The following RPS6KC1 variants were observed in gnomAD, a reference collection of about 807,000 sequenced individuals.
The protein encoded by RPS6KC1 is ribosomal protein S6 kinase C1, also known as inactive ribosomal protein S6 kinase delta-1.
Under a neutral mutation model 103.8 loss-of-function variants are expected in RPS6KC1, and 54 were observed. The ratio of observed to expected loss-of-function variants is 0.52; its 90% confidence interval spans 0.42 to 0.65. The LOEUF (loss-of-function observed/expected upper bound fraction) is 0.65, where lower values mean the gene tolerates loss of function less well. RPS6KC1 is among the 30% of genes least tolerant of loss of function. The probability of loss-of-function intolerance (pLI) is 0.00; values close to 1 mark genes in which losing one functional copy is unlikely to be tolerated. For synonymous variants in RPS6KC1, 439 were observed against 438.7 expected, an observed-to-expected ratio of 1.00 and a Z score of -0.01; for missense variants, 1,151 against 1,253.8, an observed-to-expected ratio of 0.92 and a Z score of 1.24.
Position 213,241,866 on chromosome 1 carries a change from C to G in RPS6KC1, c.2390C>G (p.Pro797Arg). The G allele has an allele frequency of 6.2e-7, 1 of 1,613,984 alleles. No individual in the cohort carries two copies. The highest frequency in any genetic ancestry group is 8.5e-7 in the Non-Finnish European group (1 of 1,179,952). The change falls in exon 11 of 15, where the codon CCT (proline) becomes CGT (arginine). Residue 797 changes from proline to arginine, a missense_variant. Pro to Arg is a moderately radical substitution (Grantham distance 103). Around this residue, in one of 3 missense-constraint regions of RPS6KC1, gnomAD observed 959 missense variants for 1,006.3 expected, o/e 0.95. Transcript: ENST00000366960. ...ATGTCTTTGTTACCCAGCTCAGATC[C>G]TAAGTTTCAAGGACTTGGAGTGGTT... ...GDMSLLPSSD[P>R]KFQGLGVVES...
At chr1:213,131,931 T>C (rs2085683137) in intron 6 of RPS6KC1, among the ~76,000 whole-genome samples, 1 of 152,254 alleles carries the variant, frequency 6.6e-6, no homozygotes, top group Non-Finnish European at 1.5e-5. Context: ...TGGTGTTTAA[T>C]TGACACAAAT....
the RPS6KC1 span, among the ~76,000 whole-genome samples, chr1:213,456,875 G>A: frequency 3.9e-5 from 6 of 152,276 alleles, 1 homozygote; most frequent in Middle Eastern, 0.014. Flanking sequence ...AATTTTGTAT[G>A]TAGTTTCTTA....
chr1:213,084,354 C>T (rs1238122238), intron 3 of RPS6KC1, among the ~76,000 whole-genome samples: 1 of 152,140 alleles, frequency 6.6e-6, no homozygotes, highest in African/African-American at 2.4e-5. Flanking sequence ...ACTGAAGCCT[C>T]GACTTCCCAG....
the RPS6KC1 span, among the ~76,000 whole-genome samples, chr1:213,398,701 AC>A: frequency 1.3e-5 from 2 of 152,252 alleles, no homozygotes; most frequent in African/African-American, 4.8e-5. Flanking sequence ...CTTAAAATGC[AC>A]CTATTAGGCA....
At chr1:213,246,632 G>A (rs953568723) in intron 12 of RPS6KC1, among the ~76,000 whole-genome samples, 2 of 151,874 alleles carry the variant, frequency 1.3e-5, no homozygotes, top group African/African-American at 4.8e-5. Flanking sequence ...ATAAACCTTT[G>A]TTTATAGTGT....
the RPS6KC1 span, chr1:213,822,426 T>G: frequency 7.4e-6 from 1 of 134,312 alleles, no homozygotes; most frequent in Admixed American, 7.1e-5. Flanking sequence ...ATGATCAATC[T>G]TTTTCACCTG....
chr1:213,428,464 TCCTC>T, the RPS6KC1 span, among the ~76,000 whole-genome samples: 151 of 48,554 alleles, frequency 3.1e-3, 1 homozygote, highest in Middle Eastern at 0.012. Context: ...CTTCCTTCTT[TCCTC>T]CCTCCCTCCC....
At chr1:213,614,962 G>A in the RPS6KC1 span, among the ~76,000 whole-genome samples, 2 of 152,168 alleles carry the variant, frequency 1.3e-5, no homozygotes, top group East Asian at 1.9e-4. Context: ...CTCCTGCTTC[G>A]ACCTCCCAAA....
chr1:213,125,266 T>C (rs1230468082), intron 5 of RPS6KC1, among the ~76,000 whole-genome samples: 2 of 152,122 alleles, frequency 1.3e-5, no homozygotes, highest in African/African-American at 4.8e-5. Flanking sequence ...ACATACTCAT[T>C]TGTAGTTTGT....
chr1:213,108,823 A>T (rs911266770), intron 4 of RPS6KC1, among the ~76,000 whole-genome samples: 27 of 151,664 alleles, frequency 1.8e-4, no homozygotes, highest in Non-Finnish European at 3.4e-4. Flanking sequence ...TTATTTTTAA[A>T]TTTTTTTGTA....
chr1:213,325,288 T>C, the RPS6KC1 span, among the ~76,000 whole-genome samples: 1 of 152,120 alleles, frequency 6.6e-6, no homozygotes, highest in Non-Finnish European at 1.5e-5. Context: ...GCTTTCTAAG[T>C]GTCTTGATTG....
At chr1:213,370,071 A>G in the RPS6KC1 span, among the ~76,000 whole-genome samples, 3 of 152,072 alleles carry the variant, frequency 2.0e-5, no homozygotes, top group Non-Finnish European at 2.9e-5. Context: ...AGCAATTGCA[A>G]TGTAGGAAGA....
the RPS6KC1 span, among the ~76,000 whole-genome samples, chr1:213,832,062 T>G: frequency 6.6e-6 from 1 of 152,196 alleles, no homozygotes; most frequent in Admixed American, 6.5e-5. Flanking sequence ...ACCCATGTAT[T>G]TGGTCTGTGG....
intron 3 of RPS6KC1, among the ~76,000 whole-genome samples, chr1:213,079,706 C>G (rs2079678196): frequency 6.6e-6 from 1 of 152,000 alleles, no homozygotes; most frequent in African/African-American, 2.4e-5. Context: ...TTGTGATCCA[C>G]CGCGCCTGGC....
intron 2 of RPS6KC1, among the ~76,000 whole-genome samples, chr1:213,072,471 C>T (rs1446668943): frequency 1.3e-5 from 2 of 151,386 alleles, no homozygotes; most frequent in African/African-American, 4.9e-5. Flanking sequence ...CTGCTTGAAC[C>T]TGGGAGGCAG....
chr1:213,564,361 T>G, the RPS6KC1 span, among the ~76,000 whole-genome samples: 5 of 152,302 alleles, frequency 3.3e-5, no homozygotes, highest in East Asian at 9.6e-4. Context: ...GTAGATTACA[T>G]TTCTCCCTTG....
chr1:213,526,399 C>T, the RPS6KC1 span, among the ~76,000 whole-genome samples: 1 of 152,078 alleles, frequency 6.6e-6, no homozygotes, highest in Non-Finnish European at 1.5e-5. Context: ...CTTGGTTAAT[C>T]AAGAACTTAG....
At chr1:213,543,959 T>C in the RPS6KC1 span, among the ~76,000 whole-genome samples, 8 of 152,162 alleles carry the variant, frequency 5.3e-5, no homozygotes, top group Non-Finnish European at 2.9e-5. Flanking sequence ...AAGTAACCCA[T>C]TTCAGTGCAT....
chr1:213,393,903 AG>A, the RPS6KC1 span, among the ~76,000 whole-genome samples: 1 of 152,140 alleles, frequency 6.6e-6, no homozygotes, highest in Non-Finnish European at 1.5e-5. Flanking sequence ...ACTGATGGGG[AG>A]GAGTAAGGAG....
Sources: gnomAD v4.1 joint callset for allele counts (sites outside exome capture counted in the v4.1 genomes callset) on GRCh38, gnomAD v4.1.1 for gene constraint, gnomAD v4.1.1 regional missense constraint, MANE v1.5 for transcripts, NCBI Gene and HGNC (gene_info 2026-07-23, HGNC 2026-07-21) for gene names.